The following AUTS2 variants were observed in gnomAD, a reference collection of about 807,000 sequenced individuals.
AUTS2 encodes the protein activator of transcription and developmental regulator AUTS2.
AUTS2 carries 17 observed loss-of-function variants against 112.4 expected under a neutral mutation model. The ratio of observed to expected loss-of-function variants is 0.15; its 90% CI spans 0.10 to 0.23. The LOEUF (loss-of-function observed/expected upper bound fraction) is 0.23, where lower values mean the gene tolerates loss of function less well. Among genes scored for constraint, AUTS2 ranks in the 10% least tolerant of loss-of-function variants. The pLI is 1.00. For synonymous variants in AUTS2, 751 were observed against 702.7 expected, an observed-to-expected ratio of 1.07 and a Z score of -1.09; for missense variants, 1,510 against 1,701.6, an observed-to-expected ratio of 0.89 and a Z score of 1.98.
intron 14 of AUTS2, among the ~76,000 whole-genome samples, chr7:70,779,335 T>TGAAA (rs1260191269): frequency 1.3e-5 from 2 of 152,204 alleles, no homozygotes; most frequent in Admixed American, 6.5e-5. Flanking sequence ...CAGTGTTTAT[T>TGAAA]GAAAGAGCCT....
intron 6 of AUTS2, among the ~76,000 whole-genome samples, chr7:70,735,533 G>T (rs893805624): frequency 2.0e-5 from 3 of 152,264 alleles, no homozygotes; most frequent in African/African-American, 7.2e-5. Flanking sequence ...GGACCGCGAG[G>T]AGAGTTTTCT....
rs552739812 is a variant in AUTS2 at position 70,125,900 on chromosome 7, A to G, written c.624+7667A>G. Among the ~76,000 whole-genome samples, 6 of 152,258 alleles carry G rather than the reference A, an allele frequency of 3.9e-5. No individual in the cohort carries two copies. The East Asian group carries it at 9.7e-4, about 24-fold the overall frequency. On this transcript the variant is annotated intron_variant, in intron 3 of 18. Coordinates refer to ENST00000342771, the MANE Select transcript of AUTS2 (RefSeq NM_015570.4). ...TACATTCAGTCCCTATTAGTCCATC[A>G]TGCCCCTGACTCGTTTTTCAGCTAA...
intron 4 of AUTS2, among the ~76,000 whole-genome samples, chr7:70,185,455 C>T (rs894340727): frequency 2.0e-5 from 3 of 151,760 alleles, no homozygotes; most frequent in African/African-American, 7.3e-5. Context: ...GGGATAAATG[C>T]CTCTCTGAGG....
At chr7:70,119,350 A>G (rs539700950) in intron 3 of AUTS2, 1 of 150,590 alleles carries the variant, frequency 6.6e-6, no homozygotes, top group African/African-American at 2.4e-5. Context: ...CTTTTGTGAA[A>G]TGGATCAAGT....
chr7:69,694,234 T>C (rs1212171239), intron 1 of AUTS2, among the ~76,000 whole-genome samples: 3 of 152,198 alleles, frequency 2.0e-5, no homozygotes, highest in Non-Finnish European at 4.4e-5. Flanking sequence ...TAGGGATTTC[T>C]GTGTCTCACT....
At chr7:70,756,464 T>A (rs1241704342) in intron 6 of AUTS2, among the ~76,000 whole-genome samples, 1 of 152,178 alleles carries the variant, frequency 6.6e-6, no homozygotes, top group Non-Finnish European at 1.5e-5. Context: ...AGCGCATTCA[T>A]TTTTTACTTT....
chr7:70,579,401 C>T (rs544477354), intron 5 of AUTS2, among the ~76,000 whole-genome samples: 49 of 151,822 alleles, frequency 3.2e-4, no homozygotes, highest in Non-Finnish European at 5.7e-4. Flanking sequence ...CAGTTTGGCT[C>T]TTAAGGACTT....
chr7:70,369,833 T>C (rs1362132480), intron 4 of AUTS2, among the ~76,000 whole-genome samples: 1 of 152,204 alleles, frequency 6.6e-6, no homozygotes, highest in Non-Finnish European at 1.5e-5. Flanking sequence ...CCCATACGAC[T>C]TGAATGACTT....
chr7:70,711,380 A>G (rs1287137196), intron 6 of AUTS2, among the ~76,000 whole-genome samples: 1 of 152,192 alleles, frequency 6.6e-6, no homozygotes, highest in Non-Finnish European at 1.5e-5. Context: ...GGGGCTGCAC[A>G]TCATCCTAGC....
chr7:70,133,919 A>G (rs1170491361), intron 3 of AUTS2, among the ~76,000 whole-genome samples: 1 of 152,140 alleles, frequency 6.6e-6, no homozygotes, highest in Non-Finnish European at 1.5e-5. Context: ...CTTCAGAAAA[A>G]TGGTGCTTTT....
At chr7:70,764,340 TG>T (rs1789769946) in intron 7 of AUTS2, among the ~76,000 whole-genome samples, 1 of 152,046 alleles carries the variant, frequency 6.6e-6, no homozygotes, top group Non-Finnish European at 1.5e-5. Flanking sequence ...ACAAGACAGA[TG>T]GGGGGAACTC....
intron 5 of AUTS2, among the ~76,000 whole-genome samples, chr7:70,697,283 T>G (rs1486206696): frequency 1.3e-5 from 2 of 152,234 alleles, no homozygotes; most frequent in African/African-American, 4.8e-5. Flanking sequence ...ATGTATGCAC[T>G]TCAATGTTCG....
At chr7:70,528,159 A>G (rs570861457) in intron 5 of AUTS2, among the ~76,000 whole-genome samples, 10 of 144,712 alleles carry the variant, frequency 6.9e-5, no homozygotes, top group Non-Finnish European at 1.5e-4. Flanking sequence ...GGATAAGGTA[A>G]TAAGATATAA....
At chr7:70,725,343 C>G (rs1020295793) in intron 6 of AUTS2, among the ~76,000 whole-genome samples, 1 of 152,112 alleles carries the variant, frequency 6.6e-6, no homozygotes, top group Non-Finnish European at 1.5e-5. Flanking sequence ...CAGCGACTAT[C>G]AACAGCCCAT....
chr7:70,024,193 T>C (rs937662926), intron 2 of AUTS2, among the ~76,000 whole-genome samples: 4 of 152,226 alleles, frequency 2.6e-5, no homozygotes, highest in African/African-American at 9.6e-5. Flanking sequence ...TTTTTGCCTG[T>C]CTTTAAGTAA....
intron 4 of AUTS2, chr7:70,290,878 TTAAAA>T (rs1342713419): frequency 6.3e-6 from 1 of 159,688 alleles, no homozygotes; most frequent in Non-Finnish European, 1.4e-5. Context: ...TAATCGACAG[TTAAAA>T]TAAATTTAAA....
chr7:70,713,115 G>A (rs1377003851), intron 6 of AUTS2, among the ~76,000 whole-genome samples: 1 of 152,170 alleles, frequency 6.6e-6, no homozygotes, highest in Admixed American at 6.5e-5. Context: ...CCAATGTTAT[G>A]CTGTAACCAG....
chr7:70,583,685 C>T (rs1802558699), intron 5 of AUTS2, among the ~76,000 whole-genome samples: 1 of 152,184 alleles, frequency 6.6e-6, no homozygotes. Context: ...AGGCTGCCCT[C>T]CAGGCACCAT....
At chr7:69,814,885 T>C (rs1790692502) in intron 1 of AUTS2, among the ~76,000 whole-genome samples, 2 of 152,238 alleles carry the variant, frequency 1.3e-5, no homozygotes, top group African/African-American at 2.4e-5. Flanking sequence ...AAAGCATTCG[T>C]GGCATCTTAA....
Sources: allele counts gnomAD v4.1 joint callset (sites outside exome capture counted in the v4.1 genomes callset), GRCh38; gene constraint gnomAD v4.1.1; transcripts MANE v1.5; gene names NCBI Gene and HGNC (gene_info 2026-07-23, HGNC 2026-07-21).